The following SH2D3C variants were observed in gnomAD, a reference collection of about 807,000 sequenced individuals.
SH2D3C encodes SH2 domain containing 3C, also known as SH2 domain-containing protein 3C.
SH2D3C carries 25 observed loss-of-function variants against 75.2 expected under a neutral mutation model. The observed-to-expected ratio is 0.33, with a 90% CI of 0.24 to 0.46. The LOEUF (loss-of-function observed/expected upper bound fraction) is 0.46. Ranked by LOEUF, SH2D3C falls within the 20% of genes least tolerant of loss-of-function variation. SH2D3C has a pLI of 1.00. For missense variants in SH2D3C, 933 were observed against 1,165.3 expected, an observed-to-expected ratio of 0.80 and a Z score of 2.90; for synonymous variants, 450 against 473.7, an observed-to-expected ratio of 0.95 and a Z score of 0.65.
intron 1 of SH2D3C, among the ~76,000 whole-genome samples, chr9:127,775,984 A>G (rs554826810): frequency 1.6e-4 from 25 of 151,958 alleles, no homozygotes; most frequent in African/African-American, 5.5e-4. Flanking sequence ...ACGTGCCACC[A>G]CGCCCAACTG....
At chr9:127,743,088 T>C in intron 7 of SH2D3C, 124 bp from the exon 8 acceptor site, 1 of 610,428 alleles carries the variant, frequency 1.6e-6, no homozygotes, top group Non-Finnish European at 2.9e-6. Flanking sequence ...GAATTCCAGC[T>C]CCACCGCTAA....
Position 127,747,088 on chromosome 9 carries a change from G to A in SH2D3C, c.1264+59C>T, listed in dbSNP as rs189501612. On this transcript the variant is annotated intron_variant, in intron 6 of 11. Coordinates refer to ENST00000314830, the MANE Select transcript of SH2D3C (RefSeq NM_170600.3). ...GAAACACACATAACCACACATAGGTGACAGAAGTCTTCAACAACAGATTCC... is the reference window on the plus strand; with the variant it reads ...GAAACACACATAACCACACATAGGTAACAGAAGTCTTCAACAACAGATTCC... The A allele has an allele frequency of 4.2e-5, 66 of 1,573,958 alleles. No homozygotes were observed. The East Asian group carries it at 1.4e-3, about 34-fold the overall frequency.
chr9:127,762,945 TG>T (rs1356821996), intron 2 of SH2D3C, among the ~76,000 whole-genome samples: 3 of 152,252 alleles, frequency 2.0e-5, no homozygotes, highest in African/African-American at 7.2e-5. Context: ...TTGGCTCATC[TG>T]TTCTCCAACC....
In SH2D3C at chr9:127,774,398, G is replaced by A. The variant is rs1845780391; in HGVS notation, c.107C>T (p.Ser36Leu). 6.2e-7 allele frequency: 1 copy of A among 1,613,718 alleles called. No homozygotes were observed. Among genetic ancestry groups the A allele is most frequent in the African/African-American group, 1.3e-5 (1 of 74,916 alleles). ...ATGGGACTGCCTACTGATGGAAGCTGAGGATCGTCTCAGAGTGAAGGACCG... is the reference window on the plus strand; with the variant it reads ...ATGGGACTGCCTACTGATGGAAGCTAAGGATCGTCTCAGAGTGAAGGACCG... ...LPRSFTLRRS[S>L]ASISRQSHLE... The change falls in exon 2 of 12, where the codon TCA (serine) becomes TTA (leucine). Residue 36 changes from serine to leucine, a missense_variant. Transcript: ENST00000314830. The surrounding 1 kb of genome is among the most constrained non-coding windows in gnomAD (Gnocchi z 4.3).
chr9:127,755,988 C>T (rs1444826209), intron 3 of SH2D3C, among the ~76,000 whole-genome samples: 1 of 152,252 alleles, frequency 6.6e-6, no homozygotes, highest in African/African-American at 2.4e-5. Context: ...CTATTATTTT[C>T]AAGCTTCCTG....
intron 6 of SH2D3C, 90 bp from the exon 7 acceptor site, chr9:127,745,189 A>G: frequency 1.8e-6 from 2 of 1,117,916 alleles, no homozygotes; most frequent in Non-Finnish European, 1.2e-6. Flanking sequence ...AGGCTCCCTC[A>G]CTCCTTGTAG....
chr9:127,757,019 G>A (rs954110144), intron 3 of SH2D3C, among the ~76,000 whole-genome samples: 6 of 150,718 alleles, frequency 4.0e-5, no homozygotes, highest in African/African-American at 1.5e-4. Flanking sequence ...AATCTCGGCC[G>A]CCTGGGCTCA....
intron 2 of SH2D3C, among the ~76,000 whole-genome samples, 199 bp downstream of exon 2, chr9:127,773,791 G>A (rs777389501): frequency 1.2e-4 from 18 of 151,938 alleles, no homozygotes; most frequent in Non-Finnish European, 2.5e-4. Context: ...GGTGTTGGGC[G>A]CCTGTAGTCC....
intron 3 of SH2D3C, among the ~76,000 whole-genome samples, chr9:127,755,833 C>G (rs1046210216): frequency 3.3e-5 from 5 of 152,172 alleles, no homozygotes; most frequent in Non-Finnish European, 5.9e-5. Flanking sequence ...CCAGCTCTTT[C>G]CCTGGGATCT....
intron 2 of SH2D3C, among the ~76,000 whole-genome samples, chr9:127,769,444 A>T (rs902184473): frequency 2.6e-5 from 4 of 152,042 alleles, no homozygotes; most frequent in Non-Finnish European, 4.4e-5. Context: ...GGAGTTCGAG[A>T]TCAGCCTGAC....
Position 127,749,267 on chromosome 9 carries a change from G to A in SH2D3C, c.1083C>T (p.Thr361=), listed in dbSNP as rs150752473. 214 of 1,600,652 alleles carry A rather than the reference G, an allele frequency of 1.3e-4. No homozygotes were observed. Among genetic ancestry groups the A allele is most frequent in the Non-Finnish European group, 1.8e-4 (207 of 1,172,444 alleles). The change falls in exon 5 of 12, where the codon ACC becomes ACT. Residue 361 remains threonine, a synonymous_variant. Coordinates refer to ENST00000314830, the MANE Select transcript of SH2D3C (RefSeq NM_170600.3). This position sits in a 1 kb window ranked among gnomAD's most constrained non-coding sequence, Gnocchi z 5.9. ...TGTCAGCAGTGAGCCCATCGGTCAT[G>A]GTGACGCTGCGCCGCTTCATGTGGC... ...KGSHMKRRSV[T]MTDGLTADKV...
Position 127,778,615 on chromosome 9 carries a change from T to TCC in SH2D3C, c.11_12dup (p.Thr5GlyfsTer29). 1 of 1,613,952 alleles carries TCC rather than the reference T, an allele frequency of 6.2e-7. No homozygotes were observed. The highest frequency in any genetic ancestry group is 1.1e-5 in the South Asian group (1 of 91,078). The stretch of plus-strand genomic sequence containing the variant: ...CTGAACTTTTTGCTGGTCTTCTTGG[T>TCC]CCCCTCTGTCATCTTGGCAAATTGT... On this transcript the variant is annotated frameshift_variant, in exon 1 of 12. Transcript: ENST00000314830. LOFTEE classifies it high-confidence loss of function.
intron 3 of SH2D3C, among the ~76,000 whole-genome samples, chr9:127,755,922 G>A (rs1233433701): frequency 6.6e-6 from 1 of 152,224 alleles, no homozygotes; most frequent in Non-Finnish European, 1.5e-5. Flanking sequence ...CTGAGCTTTC[G>A]CTGAGCTGGT....
In SH2D3C at chr9:127,774,497, T is replaced by G. The variant is rs1190380275; in HGVS notation, c.38-30A>C. The G allele has an allele frequency of 9.3e-7, 1 of 1,078,644 alleles. No homozygotes were observed. Among genetic ancestry groups the G allele is most frequent in the East Asian group, 2.4e-5 (1 of 41,942 alleles). The allele number at this position is 1,078,644 out of a possible 1,614,324, so 66.8% of individuals were successfully genotyped here. A position where few individuals can be genotyped will look rare whatever the true frequency, so the allele number is the denominator to read the frequency against. The stretch of plus-strand genomic sequence containing the variant: ...CAGAGGGGAAGGGAAGGAAAAGAAG[T>G]TAATGACAATGTCAACATCAGTGAT... On this transcript the variant is annotated intron_variant, in intron 1 of 11. Coordinates refer to ENST00000314830, the MANE Select transcript of SH2D3C (RefSeq NM_170600.3). This position sits in a 1 kb window ranked among gnomAD's most constrained non-coding sequence, Gnocchi z 4.3.
At chr9:127,756,380 T>A (rs1474519399) in intron 3 of SH2D3C, among the ~76,000 whole-genome samples, 1 of 152,206 alleles carries the variant, frequency 6.6e-6, no homozygotes, top group African/African-American at 2.4e-5. Flanking sequence ...CATTGCTGAT[T>A]CCCCATCAGT....
rs540690550 is a variant in SH2D3C at position 127,749,643 on chromosome 9, C to A, written c.707G>T (p.Arg236Leu). ...GTCCCGGATGAGGAAGTCGCCGTTG[C>A]GTTGTACCAAGGTCTCCGAGACCTG... ...PREVSETLVQ[R>L]NGDFLIRDSL... The change falls in exon 5 of 12, where the codon CGC (arginine) becomes CTC (leucine). Residue 236 changes from arginine (R) to leucine (L), a missense_variant. By Grantham distance (102) the Arg-to-Leu change is moderately radical. Coordinates refer to ENST00000314830, the MANE Select transcript of SH2D3C (RefSeq NM_170600.3). The surrounding 1 kb of genome is among the most constrained non-coding windows in gnomAD (Gnocchi z 5.9). 2 of 1,561,314 alleles carry A rather than the reference C, an allele frequency of 1.3e-6. No individual in the cohort carries two copies. Among genetic ancestry groups the A allele is most frequent in the Middle Eastern group, 1.7e-4 (1 of 6,030 alleles).
In SH2D3C at chr9:127,739,856, G is replaced by A. The variant is rs772110368; in HGVS notation, c.2233C>T (p.His745Tyr). Residue 745 changes from histidine (H) to tyrosine (Y), a missense_variant, in exon 11 of 12, where the codon CAT becomes TAT. By Grantham distance (83) the His-to-Tyr change is moderately conservative. Coordinates refer to ENST00000314830, the MANE Select transcript of SH2D3C (RefSeq NM_170600.3). The surrounding 1 kb of genome is among the most constrained non-coding windows in gnomAD (Gnocchi z 4.3). Reference protein sequence around the residue: ...GPPLSNTTFPHVLPLITLLEC... With the variant: ...GPPLSNTTFPYVLPLITLLEC... The stretch of plus-strand genomic sequence containing the variant: ...AGCAGGGTGATGAGGGGCAGCACAT[G>A]AGGAAACGTGGTGTTGCTCAGCGGC... 1.0e-4 allele frequency: 157 copies of A among 1,561,252 alleles called. No individual in the cohort carries two copies. Among genetic ancestry groups the A allele is most frequent in the Non-Finnish European group, 1.3e-4 (150 of 1,150,228 alleles).
intron 3 of SH2D3C, among the ~76,000 whole-genome samples, chr9:127,758,232 C>T (rs1398876585): frequency 1.3e-5 from 2 of 152,058 alleles, no homozygotes; most frequent in African/African-American, 4.8e-5. Context: ...CTGTGGCCTC[C>T]CAGTTGCTGG....
intron 2 of SH2D3C, chr9:127,767,135 CCT>C: frequency 1.3e-6 from 2 of 1,535,766 alleles, no homozygotes; most frequent in Non-Finnish European, 1.7e-6. Flanking sequence ...CCTCAGTTTT[CCT>C]GAGTGGGCTG....
Sources: gnomAD v4.1 joint callset for allele counts (sites outside exome capture counted in the v4.1 genomes callset) on GRCh38, gnomAD v4.1.1 for gene constraint, Gnocchi (gnomAD v3.1) non-coding constraint, MANE v1.5 for transcripts, NCBI Gene and HGNC (gene_info 2026-07-23, HGNC 2026-07-21) for gene names.